Variants in TSR1 observed in about 807,000 individuals in gnomAD.
TSR1 encodes pre-rRNA-processing protein TSR1 homolog.
TSR1 carries 81 observed loss-of-function variants against 90.9 expected under a neutral mutation model. That is an observed-to-expected ratio of 0.89 (90% CI 0.74 to 1.07). The LOEUF (loss-of-function observed/expected upper bound fraction) is 1.07, where lower values mean the gene tolerates loss of function less well. TSR1 is among the 50% of genes least tolerant of loss of function. The pLI is 0.00. For synonymous variants in TSR1, 362 were observed against 348.8 expected (o/e 1.04, Z -0.42); for missense variants, 989 against 987.3 (o/e 1.00, Z -0.02).
chr17:2,330,883 AATAAAGTAGGG>A, intron 9 of TSR1, 53 bp downstream of exon 9: 1 of 1,515,162 alleles, frequency 6.6e-7, no homozygotes, highest in Non-Finnish European at 8.8e-7. Flanking sequence ...CAAGAGAAGG[AATAAAGTAGGG>A]AGCATGTTGA....
rs759502569 is a variant in TSR1 at position 2,335,251 on chromosome 17, C to T, written c.556+9G>A. Reference sequence around the variant, plus strand: ...ATTAAAGGTGCACAATAAATGCTAACTCACTTACTATAGGTCGGAAGGCCC... The same window carrying T: ...ATTAAAGGTGCACAATAAATGCTAATTCACTTACTATAGGTCGGAAGGCCC... On this transcript the variant is annotated intron_variant, in intron 4 of 14. Transcript: ENST00000301364. The T allele has an allele frequency of 6.2e-7, 1 of 1,612,798 alleles. No individual in the cohort carries two copies. Among genetic ancestry groups the T allele is most frequent in the South Asian group, 1.1e-5 (1 of 90,794 alleles).
At position 2,335,541 on chromosome 17, in the gene TSR1, G is replaced by C. The variant is rs1334927485; in HGVS notation, c.391C>G (p.His131Asp). The change falls in exon 3 of 15, where the codon CAT becomes GAT. Residue 131 changes from histidine (H) to aspartate (D), a missense_variant. By Grantham distance (81) the His-to-Asp change is moderately conservative. Coordinates refer to ENST00000301364, the MANE Select transcript of TSR1 (RefSeq NM_018128.5). ...CTTGCTGAGGTGAAAAACCACCGAT[G>C]TTTCAAGCGGGGGCACAGCAGCATA... The part of the protein sequence containing the change: ...NFMLLCPRLK[H>D]RWFFTSARPG... The C allele has an allele frequency of 1.2e-6, 2 of 1,614,040 alleles. No homozygotes were observed. The highest frequency in any genetic ancestry group is 1.3e-5 in the African/African-American group (1 of 75,000).
At position 2,334,573 on chromosome 17, in the gene TSR1, A is replaced by C. The variant is rs2064032196; in HGVS notation, c.880T>G (p.Tyr294Asp). ...NVNRLLHIVG[Y>D]GDFQMKQIDA... ...ATCTGTTTCATCTGGAAATCACCATATCCAACGATATGCAGCAACCTATTG... is the reference window on the plus strand; with the variant it reads ...ATCTGTTTCATCTGGAAATCACCATCTCCAACGATATGCAGCAACCTATTG... The change falls in exon 5 of 15, where the codon TAT (tyrosine) becomes GAT (aspartate). Residue 294 changes from tyrosine to aspartate, a missense_variant. Tyr to Asp is a radical substitution (Grantham distance 160, BLOSUM62 -3). Transcript: ENST00000301364. 1 of 1,614,040 alleles carries C rather than the reference A, an allele frequency of 6.2e-7. No individual in the cohort carries two copies. Among genetic ancestry groups the C allele is most frequent in the South Asian group, 1.1e-5 (1 of 91,090 alleles).
rs2075566288 is a variant in TSR1, at chr17:2,324,919, C to A, written c.2021-90G>T. On this transcript the variant is annotated intron_variant, in intron 12 of 14. Coordinates refer to ENST00000301364, the MANE Select transcript of TSR1 (RefSeq NM_018128.5). ...GTCCATTTAAAGACCCATGCAAGAG[C>A]CTGGTTTGTCATCCCTGCCCTAGCC... 6.9e-6 allele frequency: 10 copies of A among 1,458,430 alleles called. No individual in the cohort carries two copies. In the East Asian group the frequency reaches 2.1e-4, roughly 31 times the overall value. The allele number at this position is 1,458,430 out of a possible 1,614,324, so 90.3% of individuals were successfully genotyped here. A position where few individuals can be genotyped will look rare whatever the true frequency, so the allele number is the denominator to read the frequency against.
Position 2,322,988 on chromosome 17 carries a change from C to G in TSR1, c.*1208G>C, listed in dbSNP as rs1046552933. ...CCAGGTTGGCCAGGCTGGTCTTGAA[C>G]TCCTGACCTCAGCTGATCCACCCGC... On this transcript the variant is annotated 3_prime_UTR_variant, in exon 15 of 15. Coordinates refer to ENST00000301364, the MANE Select transcript of TSR1 (RefSeq NM_018128.5). 1.4e-6 allele frequency: 1 copy of G among 729,594 alleles called. No individual in the cohort carries two copies. The highest frequency in any genetic ancestry group is 2.3e-6 in the Non-Finnish European group (1 of 443,506). The allele number at this position is 729,594 out of a possible 1,614,324, so 45.2% of individuals were successfully genotyped here. A position where few individuals can be genotyped will look rare whatever the true frequency, so the allele number is the denominator to read the frequency against.
chr17:2,327,347 G>A (rs761795971), intron 11 of TSR1, among the ~76,000 whole-genome samples: 1 of 151,486 alleles, frequency 6.6e-6, no homozygotes, highest in Non-Finnish European at 1.5e-5. Flanking sequence ...AACCTGGGAC[G>A]GGGAGGCTGC....
At chr17:2,329,595 T>C (rs2075593903) in intron 10 of TSR1, 120 bp from the exon 11 acceptor site, 5 of 1,240,266 alleles carry the variant, frequency 4.0e-6, no homozygotes, top group Non-Finnish European at 5.6e-6. Context: ...CAATGCTAAT[T>C]AATGGTGGAG....
At position 2,333,297 on chromosome 17, in the gene TSR1, T is replaced by C. The variant is rs1448975045; in HGVS notation, c.1142-173A>G. On this transcript the variant is annotated intron_variant, in intron 6 of 14. Transcript: ENST00000301364. The stretch of plus-strand genomic sequence containing the variant: ...CAGCTGCCTCACAACTAGCAATACT[T>C]ACACAGCTAAATAAGCCCTGCAATG... 3.4e-6 allele frequency: 3 copies of C among 877,048 alleles called. No homozygotes were observed. The East Asian group carries it at 7.9e-5, about 23-fold the overall frequency. The allele number at this position is 877,048 out of a possible 1,614,324, so 54.3% of individuals were successfully genotyped here.
intron 11 of TSR1, among the ~76,000 whole-genome samples, 174 bp from the exon 12 acceptor site, chr17:2,325,594 A>G (rs970252924): frequency 3.3e-5 from 5 of 152,112 alleles, no homozygotes; most frequent in African/African-American, 1.2e-4. Flanking sequence ...GATACGATCT[A>G]GTCCTATCAG....
In TSR1 at chr17:2,332,996, T is replaced by C. The variant is rs960299490; in HGVS notation, c.1270A>G (p.Met424Val). Residue 424 changes from methionine to valine, a missense_variant, in exon 7 of 15, where the codon ATG becomes GTG. Transcript: ENST00000301364. ...GEGDEYEYDD[M>V]EHEDFMEEES... The stretch of plus-strand genomic sequence containing the variant: ...TCCTCCATAAAATCCTCATGTTCCA[T>C]ATCATCATATTCATATTCATCTCCT... 1 of 1,614,030 alleles carries C rather than the reference T, an allele frequency of 6.2e-7. No individual in the cohort carries two copies. The highest frequency in any genetic ancestry group is 1.3e-5 in the African/African-American group (1 of 74,918).
intron 9 of TSR1, 37 bp from the exon 10 acceptor site, chr17:2,330,662 CT>C: frequency 6.3e-7 from 1 of 1,594,038 alleles, no homozygotes; most frequent in Non-Finnish European, 8.6e-7. Flanking sequence ...ATGGAGTTAC[CT>C]TTCAAAGTCC....
intron 6 of TSR1, chr17:2,333,327 C>T (rs1213621041): frequency 1.2e-6 from 1 of 850,858 alleles, no homozygotes; most frequent in Non-Finnish European, 1.9e-6. Context: ...GCAATGAATC[C>T]AAAGTTGTTT....
chr17:2,322,763 A>G lies in TSR1; in HGVS notation c.*1433T>C, dbSNP rs924935742. ...GATCTCCCTACCTCGTGATCCGCCC[A>G]CCTCGGCCTCCCAAAGTGCTGGGAT... On this transcript the variant is annotated 3_prime_UTR_variant, in exon 15 of 15. Coordinates refer to ENST00000301364, the MANE Select transcript of TSR1 (RefSeq NM_018128.5). The G allele has an allele frequency of 1.0e-4, 24 of 231,672 alleles. 1 individual carries two copies. Among genetic ancestry groups the G allele is most frequent in the South Asian group, 3.0e-4 (5 of 16,844 alleles). 14.4% of individuals were successfully genotyped at this position (231,672 alleles called of 1,614,324 possible).
rs140782124 is a variant in TSR1 at position 2,327,646 on chromosome 17, A to G, written c.1903+1697T>C. On this transcript the variant is annotated intron_variant, in intron 11 of 14. Coordinates refer to ENST00000301364, the MANE Select transcript of TSR1 (RefSeq NM_018128.5). The stretch of plus-strand genomic sequence containing the variant: ...ACCCGTAGAAGCTCAAATAAGTATC[A>G]GTACATCACATACACTGGAATATAT... 1.5e-3 allele frequency among the ~76,000 whole-genome samples: 231 copies of G among 152,356 alleles called. 3 individuals are homozygous for G. Among genetic ancestry groups the G allele is most frequent in the African/African-American group, 5.2e-3 (215 of 41,582 alleles).
rs973723049 is a variant in TSR1, at chr17:2,335,307, C to T, written c.509G>A (p.Gly170Asp). ...AAAGAGGCAGGAAAGACAGTAATCA[C>T]CGGTGCTGTCCCAGCCTTCTAGTGG... ...LDPLEGWDSTGDYCLSCLFAQ... is the reference protein window; with the variant it reads ...LDPLEGWDSTDDYCLSCLFAQ... The change falls in exon 4 of 15, where the codon GGT (glycine) becomes GAT (aspartate). Residue 170 changes from glycine to aspartate, a missense_variant. Physicochemically the swap from Gly to Asp is moderately conservative, Grantham distance 94. Transcript: ENST00000301364. The T allele has an allele frequency of 1.2e-6, 2 of 1,613,968 alleles. No individual in the cohort carries two copies. The highest frequency in any genetic ancestry group is 2.7e-5 in the African/African-American group (2 of 74,898).
In TSR1 at chr17:2,330,507, C is replaced by G; in HGVS notation, c.1770+8G>C. ...AACCCCCCATTTTCCCACAAGACAG[C>G]AATTTACCTTCTGTTCATGAGGTAG... On this transcript the variant is annotated splice_region_variant and intron_variant, in intron 10 of 14. Transcript: ENST00000301364. 1 of 1,610,160 alleles carries G rather than the reference C, an allele frequency of 6.2e-7. No homozygotes were observed. Among genetic ancestry groups the G allele is most frequent in the Non-Finnish European group, 8.5e-7 (1 of 1,176,700 alleles).
At chr17:2,329,235 T>A in intron 11 of TSR1, 108 bp downstream of exon 11, 2 of 1,524,662 alleles carry the variant, frequency 1.3e-6, no homozygotes, top group Non-Finnish European at 1.8e-6. Context: ...AAAATACCTC[T>A]AACCCAGAGA....
rs1442867415 is a variant in TSR1 at position 2,334,459 on chromosome 17, A to G, written c.981+13T>C. ...ACTTTCATATGAACATGAATTAAGAATATCAGTCTTACCTCCATTGCCATG... is the reference window on the plus strand; with the variant it reads ...ACTTTCATATGAACATGAATTAAGAGTATCAGTCTTACCTCCATTGCCATG... On this transcript the variant is annotated intron_variant, in intron 5 of 14. Coordinates refer to ENST00000301364, the MANE Select transcript of TSR1 (RefSeq NM_018128.5). 4.4e-6 allele frequency: 7 copies of G among 1,603,876 alleles called. No individual in the cohort carries two copies. Among genetic ancestry groups the G allele is most frequent in the Non-Finnish European group, 5.1e-6 (6 of 1,173,848 alleles).
intron 9 of TSR1, 108 bp downstream of exon 9, chr17:2,330,839 T>G: frequency 7.8e-7 from 1 of 1,282,342 alleles, no homozygotes; most frequent in Non-Finnish European, 1.1e-6. Context: ...ACTCAGGGGC[T>G]CCCCTAATCC....
Sources: gnomAD v4.1 joint callset for allele counts (sites outside exome capture counted in the v4.1 genomes callset) on GRCh38, gnomAD v4.1.1 for gene constraint, MANE v1.5 for transcripts, NCBI Gene and HGNC (gene_info 2026-07-23, HGNC 2026-07-21) for gene names.